The following TGFBRAP1 variants were observed in gnomAD, a reference collection of about 807,000 sequenced individuals.
The protein encoded by TGFBRAP1 is transforming growth factor-beta receptor-associated protein 1.
In TGFBRAP1, 20 loss-of-function variants were observed where a neutral mutation model predicts 83.2. The ratio of observed to expected loss-of-function variants is 0.24; its 90% CI spans 0.17 to 0.35. TGFBRAP1 has a LOEUF of 0.35. Ranked by LOEUF, TGFBRAP1 falls within the 10% of genes least tolerant of loss-of-function variation. The pLI, the probability that TGFBRAP1 is intolerant of heterozygous loss-of-function variation, is 1.00. For missense variants in TGFBRAP1, 950 were observed against 1,099.4 expected, an observed-to-expected ratio of 0.86 and a Z score of 1.92; for synonymous variants, 415 against 459.8, an observed-to-expected ratio of 0.90 and a Z score of 1.25.
At chr2:105,254,675 C>G in the TGFBRAP1 span, among the ~76,000 whole-genome samples, 1 of 151,986 alleles carries the variant, frequency 6.6e-6, no homozygotes, top group Non-Finnish European at 1.5e-5. Context: ...GGTTTCCAGA[C>G]TCGTGTCCTG....
intron 2 of TGFBRAP1, among the ~76,000 whole-genome samples, chr2:105,304,637 G>A (rs967743229): frequency 3.9e-5 from 6 of 152,186 alleles, no homozygotes; most frequent in Non-Finnish European, 7.3e-5. Context: ...ACAAAAATTA[G>A]CTGAGCATGG....
chr2:105,283,778 G>A (rs564669733), intron 5 of TGFBRAP1, among the ~76,000 whole-genome samples: 2 of 152,280 alleles, frequency 1.3e-5, no homozygotes, highest in East Asian at 3.9e-4. Flanking sequence ...CATCCGACAA[G>A]CACAAGAGTA....
At chr2:105,321,389 A>G (rs1477471428) in intron 1 of TGFBRAP1, among the ~76,000 whole-genome samples, 3 of 152,050 alleles carry the variant, frequency 2.0e-5, no homozygotes, top group Non-Finnish European at 4.4e-5. Flanking sequence ...GCTGGTCTCG[A>G]ACTCCTGACC....
At chr2:105,306,071 T>G (rs200588651) in intron 2 of TGFBRAP1, among the ~76,000 whole-genome samples, 14 of 119,208 alleles carry the variant, frequency 1.2e-4, no homozygotes, top group South Asian at 2.8e-4. Context: ...GTTTTTTGTT[T>G]TTTTTTTTTT....
In TGFBRAP1 at chr2:105,298,551, C is replaced by A; in HGVS notation, c.843G>T (p.Thr281=). The change falls in exon 3 of 12, where the codon ACG becomes ACT. Residue 281 remains threonine (T), a synonymous_variant. Transcript: ENST00000393359. ...HSMLDQQQKQ[T]LPFKEGHILQ... is the part of the protein sequence containing the mutation. The stretch of plus-strand genomic sequence containing the variant: ...GGATATGGCCCTCCTTAAAGGGCAG[C>A]GTCTGCTTCTGTTGCTGATCCAACA... 2 of 1,612,320 alleles carry A rather than the reference C, an allele frequency of 1.2e-6. No homozygotes were observed. The highest frequency in any genetic ancestry group is 2.2e-5 in the East Asian group (1 of 44,818).
rs140053594 is a variant in TGFBRAP1 at position 105,279,821 on chromosome 2, T to C, written c.1463+561A>G. Among the ~76,000 whole-genome samples the C allele has an allele frequency of 7.9e-5, 12 of 152,126 alleles. No individual in the cohort carries two copies. The South Asian group carries it at 2.1e-3, about 26-fold the overall frequency. ...GGGAGGCCGAGGCGAGCAGACCACC[T>C]GAGGTCAGGAGTTCTAGACCAGCCT... is the stretch of plus-strand genomic sequence containing the variant. On this transcript the variant is annotated intron_variant, in intron 6 of 11. Transcript: ENST00000393359.
At chr2:105,324,529 C>T (rs1210732201) in intron 1 of TGFBRAP1, among the ~76,000 whole-genome samples, 1 of 152,146 alleles carries the variant, frequency 6.6e-6, no homozygotes, top group Non-Finnish European at 1.5e-5. Flanking sequence ...TTTATTGAGC[C>T]ACTTTTAGAG....
At chr2:105,318,908 C>A (rs1178938850) in intron 1 of TGFBRAP1, among the ~76,000 whole-genome samples, 1 of 152,194 alleles carries the variant, frequency 6.6e-6, no homozygotes. Flanking sequence ...ACTTCCAGGG[C>A]CACATAAGTA....
Position 105,273,588 on chromosome 2 carries a change from G to C in TGFBRAP1, c.1768C>G (p.Leu590Val). The C allele has an allele frequency of 6.2e-7, 1 of 1,614,176 alleles. No individual in the cohort carries two copies. Among genetic ancestry groups the C allele is most frequent in the South Asian group, 1.1e-5 (1 of 91,078 alleles). ...INCLKKYPKA[L>V]VKYLEHLVID... ...ACAAGATGTTCCAGATACTTCACAA[G>C]GGCTTTAGGGTATTTTTTAAGGCAA... The change falls in exon 9 of 12, where the codon CTT becomes GTT. Residue 590 changes from leucine (L) to valine (V), a missense_variant. Coordinates refer to ENST00000393359, the MANE Select transcript of TGFBRAP1 (RefSeq NM_004257.6).
At chr2:105,255,323 CT>C in the TGFBRAP1 span, among the ~76,000 whole-genome samples, 2 of 151,282 alleles carry the variant, frequency 1.3e-5, no homozygotes, top group Admixed American at 6.6e-5. Flanking sequence ...TCCTTTCTTT[CT>C]TTTTTTTTCA....
intron 1 of TGFBRAP1, among the ~76,000 whole-genome samples, chr2:105,316,462 T>TGTGTGCGCGCGCGCGCGC (rs1177329674): frequency 3.5e-5 from 3 of 84,816 alleles, no homozygotes; most frequent in African/African-American, 1.6e-4. Flanking sequence ...TGTGTGTGTG[T>TGTGTGCGCGCGCGCGCGC]GCGCGCGCGC....
intron 4 of TGFBRAP1, among the ~76,000 whole-genome samples, chr2:105,289,936 C>T (rs570584116): frequency 1.1e-4 from 16 of 152,278 alleles, no homozygotes; most frequent in African/African-American, 2.4e-4. Flanking sequence ...TTCACCAATA[C>T]GGTATTATCA....
chr2:105,250,654 C>T, the TGFBRAP1 span, among the ~76,000 whole-genome samples: 1 of 151,342 alleles, frequency 6.6e-6, no homozygotes, highest in African/African-American at 2.4e-5. Context: ...GTCTCCCTCT[C>T]CCCACGGTCT....
At chr2:105,316,206 G>A (rs1407320659) in intron 1 of TGFBRAP1, among the ~76,000 whole-genome samples, 2 of 152,148 alleles carry the variant, frequency 1.3e-5, no homozygotes, top group African/African-American at 4.8e-5. Flanking sequence ...GGGACACAGT[G>A]AACTTTCTGG....
At chr2:105,319,810 ATG>A (rs1195339076) in intron 1 of TGFBRAP1, among the ~76,000 whole-genome samples, 1 of 150,176 alleles carries the variant, frequency 6.7e-6, no homozygotes, top group Non-Finnish European at 1.5e-5. Context: ...ATAGGTATAT[ATG>A]TGTTTAATGC....
intron 2 of TGFBRAP1, among the ~76,000 whole-genome samples, chr2:105,302,871 G>C (rs1678348434): frequency 6.6e-6 from 1 of 152,196 alleles, no homozygotes; most frequent in South Asian, 2.1e-4. Flanking sequence ...ACTACTCCAA[G>C]TGACTTTAAA....
intron 1 of TGFBRAP1, among the ~76,000 whole-genome samples, chr2:105,309,796 T>TA (rs1573210346): frequency 6.6e-6 from 1 of 152,144 alleles, no homozygotes; most frequent in East Asian, 1.9e-4. Context: ...CTAAAATTCA[T>TA]ATGTTGGAAC....
chr2:105,281,449 A>G (rs1444649318), intron 5 of TGFBRAP1, among the ~76,000 whole-genome samples: 2 of 152,124 alleles, frequency 1.3e-5, no homozygotes, highest in Admixed American at 6.5e-5. Flanking sequence ...GACACATGGA[A>G]TGGCGAGGAA....
chr2:105,266,602 C>G lies in TGFBRAP1; in HGVS notation c.*781G>C, dbSNP rs1252735558. ...GGGCCCTTGCCCGCCGTGGGTTTCC[C>G]GTGTCCGCGGCTTCTTCAAGGAGGG... On this transcript the variant is annotated 3_prime_UTR_variant, in exon 12 of 12. Coordinates refer to ENST00000393359, the MANE Select transcript of TGFBRAP1 (RefSeq NM_004257.6). 6.6e-6 allele frequency: 1 copy of G among 152,188 alleles called. No homozygotes were observed. The highest frequency in any genetic ancestry group is 6.5e-5 in the Admixed American group (1 of 15,282). The allele number at this position is 152,188 out of a possible 1,614,324, so 9.4% of individuals were successfully genotyped here.
Sources: allele counts gnomAD v4.1 joint callset (sites outside exome capture counted in the v4.1 genomes callset), GRCh38; gene constraint gnomAD v4.1.1; transcripts MANE v1.5; gene names NCBI Gene and HGNC (gene_info 2026-07-23, HGNC 2026-07-21).